PRP4K: variants seen among roughly 807,000 people sequenced by gnomAD.
PRP4K encodes serine/threonine-protein kinase PRP4 homolog.
the PRP4K span, among the ~76,000 whole-genome samples, chr6:4,035,436 C>T: frequency 8.6e-5 from 13 of 151,696 alleles, no homozygotes; most frequent in Admixed American, 4.6e-4. Context: ...CGTGAGCCAC[C>T]GCACCCAGCC....
chr6:4,043,740 A>G, the PRP4K span: 1 of 1,401,774 alleles, frequency 7.1e-7, no homozygotes, highest in South Asian at 1.2e-5. Context: ...TCACTGCAGC[A>G]ACTCTTAGCC....
the PRP4K span, among the ~76,000 whole-genome samples, chr6:4,042,928 G>C: frequency 6.6e-6 from 1 of 152,172 alleles, no homozygotes; most frequent in Non-Finnish European, 1.5e-5. Context: ...TGTGAATAAA[G>C]TAAATATTTT....
chr6:4,021,816 A>G, the PRP4K span, among the ~76,000 whole-genome samples: 1 of 152,246 alleles, frequency 6.6e-6, no homozygotes, highest in East Asian at 1.9e-4. Flanking sequence ...CCCTGGCCGC[A>G]GCTCTTAGCG....
chr6:4,032,429 C>T, the PRP4K span: 1 of 1,614,064 alleles, frequency 6.2e-7, no homozygotes, highest in Non-Finnish European at 8.5e-7. Flanking sequence ...AATCCAAAGA[C>T]AGAAGGTCAC....
chr6:4,042,471 T>C, the PRP4K span: 3 of 1,583,840 alleles, frequency 1.9e-6, no homozygotes, highest in African/African-American at 2.7e-5. Flanking sequence ...TAAGGGTGTT[T>C]GAATTTTTCT....
At chr6:4,035,530 C>T in the PRP4K span, among the ~76,000 whole-genome samples, 1 of 151,992 alleles carries the variant, frequency 6.6e-6, no homozygotes, top group Non-Finnish European at 1.5e-5. Context: ...ATGGCCCTAT[C>T]AAGAAGTAAG....
At chr6:4,021,697 C>T in the PRP4K span, among the ~76,000 whole-genome samples, 1 of 152,316 alleles carries the variant, frequency 6.6e-6, no homozygotes, top group Non-Finnish European at 1.5e-5. Context: ...CGCGTCGTTG[C>T]CCCGGGAGGC....
chr6:4,061,005 G>A, the PRP4K span: 5 of 231,588 alleles, frequency 2.2e-5, no homozygotes, highest in East Asian at 1.1e-4. Context: ...TTATATTCAC[G>A]TTTTCCTAGG....
the PRP4K span, among the ~76,000 whole-genome samples, chr6:4,040,595 A>G: frequency 6.6e-6 from 1 of 152,164 alleles, no homozygotes; most frequent in Admixed American, 6.5e-5. Flanking sequence ...CTGTTCTTTT[A>G]CTTAAAATTT....
At chr6:4,057,572 G>A in the PRP4K span, among the ~76,000 whole-genome samples, 1 of 152,150 alleles carries the variant, frequency 6.6e-6, no homozygotes, top group Non-Finnish European at 1.5e-5. Context: ...GGAACTTGAT[G>A]TTAATTAATT....
the PRP4K span, chr6:4,050,384 A>G: frequency 3.2e-6 from 2 of 632,996 alleles, no homozygotes; most frequent in South Asian, 5.4e-5. Context: ...TATGTACTGG[A>G]ACAACAGGCT....
the PRP4K span, among the ~76,000 whole-genome samples, chr6:4,042,163 G>A: frequency 0.029 from 4,442 of 152,306 alleles, 89 homozygotes; most frequent in Non-Finnish European, 0.044. Context: ...CATTTTATAG[G>A]TGAGAAAACT....
At chr6:4,039,451 G>A in the PRP4K span, among the ~76,000 whole-genome samples, 1 of 152,164 alleles carries the variant, frequency 6.6e-6, no homozygotes, top group African/African-American at 2.4e-5. Context: ...AGCATCTGGA[G>A]TGACCAACCC....
chr6:4,057,092 T>C, the PRP4K span: 2 of 1,610,910 alleles, frequency 1.2e-6, no homozygotes, highest in South Asian at 1.1e-5. Context: ...TTGCACCTTA[T>C]ACGAACTCTA....
chr6:4,049,586 T>C, the PRP4K span: 1 of 750,524 alleles, frequency 1.3e-6, no homozygotes, highest in Non-Finnish European at 2.2e-6. Context: ...GAGTGATCAG[T>C]GGAGGCATGG....
the PRP4K span, among the ~76,000 whole-genome samples, chr6:4,053,225 CT>C: frequency 0.046 from 7,032 of 152,290 alleles, 235 homozygotes; most frequent in Non-Finnish European, 0.074. Context: ...TGTCCGTACT[CT>C]TCTGTTTGCT....
At chr6:4,056,221 G>T in the PRP4K span, 6 of 759,098 alleles carry the variant, frequency 7.9e-6, no homozygotes, top group African/African-American at 1.8e-5. Flanking sequence ...TTTGTTCTCA[G>T]TATTGGAATT....
At chr6:4,043,720 T>A in the PRP4K span, 1 of 1,177,224 alleles carries the variant, frequency 8.5e-7, no homozygotes, top group Non-Finnish European at 1.2e-6. Context: ...TGATACGTTC[T>A]CTTAACTTTT....
At chr6:4,047,201 C>G in the PRP4K span, 1 of 1,612,436 alleles carries the variant, frequency 6.2e-7, no homozygotes, top group South Asian at 1.1e-5. Context: ...GTTGTTGGCA[C>G]CTGATATGTT....
Sources: allele counts gnomAD v4.1 joint callset (sites outside exome capture counted in the v4.1 genomes callset), GRCh38; gene constraint gnomAD v4.1.1; transcripts MANE v1.5; gene names NCBI Gene and HGNC (gene_info 2026-07-23, HGNC 2026-07-21).